Variants in MAF observed in about 807,000 individuals in gnomAD.
The protein encoded by MAF is MAF bZIP transcription factor, also known as transcription factor Maf.
A neutral mutation model predicts 22.0 loss-of-function variants in MAF; 10 were observed. The observed-to-expected ratio is 0.45, with a 90% CI of 0.28 to 0.77. MAF has a LOEUF of 0.77. Among genes scored for constraint, MAF ranks in the 30% least tolerant of loss-of-function variants. The probability of loss-of-function intolerance (pLI) is 0.12; values close to 1 mark genes in which losing one functional copy is unlikely to be tolerated. For missense variants in MAF, 544 were observed against 548.4 expected (o/e 0.99, Z 0.08); for synonymous variants, 337 against 255.8 (o/e 1.32, Z -3.03).
At chr16:79,434,136 T>C in the MAF span, among the ~76,000 whole-genome samples, 1 of 152,206 alleles carries the variant, frequency 6.6e-6, no homozygotes, top group Non-Finnish European at 1.5e-5. Flanking sequence ...CCCATGCAAC[T>C]GCACACTGGG....
the MAF span, among the ~76,000 whole-genome samples, chr16:79,289,950 G>A: frequency 6.9e-6 from 1 of 145,018 alleles, no homozygotes; most frequent in Admixed American, 7.4e-5. Context: ...TCCACCTCCT[G>A]GATTCAAGCG....
chr16:79,509,442 T>A, the MAF span, among the ~76,000 whole-genome samples: 1 of 152,218 alleles, frequency 6.6e-6, no homozygotes, highest in Admixed American at 6.5e-5. Flanking sequence ...CCAGAAGAGC[T>A]CGAATGTTTA....
chr16:79,519,254 T>G, the MAF span, among the ~76,000 whole-genome samples: 7 of 152,152 alleles, frequency 4.6e-5, no homozygotes, highest in Non-Finnish European at 8.8e-5. Context: ...AACAGCCATG[T>G]GACCACCTCA....
chr16:79,389,499 T>G, the MAF span, among the ~76,000 whole-genome samples: 1 of 152,190 alleles, frequency 6.6e-6, no homozygotes, highest in Non-Finnish European at 1.5e-5. Flanking sequence ...TGACCTCAAG[T>G]GATCCACCTG....
chr16:79,245,733 T>G, the MAF span, among the ~76,000 whole-genome samples: 1 of 152,046 alleles, frequency 6.6e-6, no homozygotes, highest in Non-Finnish European at 1.5e-5. Context: ...TTATAAATAA[T>G]TCTACTATAA....
chr16:79,382,623 T>C, the MAF span, among the ~76,000 whole-genome samples: 1,136 of 152,332 alleles, frequency 7.5e-3, 17 homozygotes, highest in African/African-American at 0.027. Flanking sequence ...AGTGGTAATA[T>C]TGTTTTTTAA....
At chr16:79,413,925 A>T in the MAF span, among the ~76,000 whole-genome samples, 3 of 152,184 alleles carry the variant, frequency 2.0e-5, no homozygotes, top group African/African-American at 7.2e-5. Context: ...GAGTGTGCTG[A>T]GATGGAAAGA....
At chr16:79,336,382 T>C in the MAF span, among the ~76,000 whole-genome samples, 1 of 151,900 alleles carries the variant, frequency 6.6e-6, no homozygotes, top group South Asian at 2.1e-4. Context: ...ACATAGCCAG[T>C]AAAGAACAGA....
chr16:79,430,392 C>T, the MAF span, among the ~76,000 whole-genome samples: 1 of 152,196 alleles, frequency 6.6e-6, no homozygotes, highest in Non-Finnish European at 1.5e-5. Flanking sequence ...GTCAACACCT[C>T]GGACGCTTTT....
At chr16:79,597,300 A>G in intron 1 of MAF, 1 of 1,041,660 alleles carries the variant, frequency 9.6e-7, no homozygotes, top group Non-Finnish European at 1.2e-6. Context: ...AAAAACTAGA[A>G]TTAAATTATA....
At chr16:79,332,415 C>T in the MAF span, among the ~76,000 whole-genome samples, 1 of 152,190 alleles carries the variant, frequency 6.6e-6, no homozygotes, top group African/African-American at 2.4e-5. Flanking sequence ...ATTCTCGTGC[C>T]TCAGCCTCCC....
chr16:79,424,857 C>T, the MAF span, among the ~76,000 whole-genome samples: 1 of 152,062 alleles, frequency 6.6e-6, no homozygotes, highest in Non-Finnish European at 1.5e-5. Flanking sequence ...TAATATGCTC[C>T]TATCCAAGTC....
the MAF span, among the ~76,000 whole-genome samples, chr16:79,276,149 A>AAAAG: frequency 4.0e-5 from 6 of 150,174 alleles, no homozygotes; most frequent in African/African-American, 1.5e-4. Context: ...CAAAGAAAAA[A>AAAAG]AAAGAAAGAA....
At chr16:79,313,974 G>T in the MAF span, among the ~76,000 whole-genome samples, 2 of 152,126 alleles carry the variant, frequency 1.3e-5, no homozygotes, top group Non-Finnish European at 2.9e-5. Context: ...AAGAATAAAG[G>T]CCAGGGAAAA....
chr16:79,598,729 G>A (rs371802323), intron 1 of MAF, 56 bp downstream of exon 1: 23 of 1,610,606 alleles, frequency 1.4e-5, no homozygotes, highest in African/African-American at 2.7e-5. Context: ...CACCCGAGCC[G>A]GACCCCCGCG....
At chr16:79,369,273 G>C in the MAF span, among the ~76,000 whole-genome samples, 1 of 152,134 alleles carries the variant, frequency 6.6e-6, no homozygotes, top group Non-Finnish European at 1.5e-5. Context: ...CTGGGAGCTG[G>C]GTTACAGGAA....
the MAF span, among the ~76,000 whole-genome samples, chr16:79,412,268 G>C: frequency 6.6e-6 from 1 of 152,138 alleles, no homozygotes; most frequent in African/African-American, 2.4e-5. Context: ...TCAGATAAAG[G>C]GCCAGTTGAC....
At chr16:79,298,448 A>G in the MAF span, among the ~76,000 whole-genome samples, 2 of 152,224 alleles carry the variant, frequency 1.3e-5, no homozygotes, top group Non-Finnish European at 2.9e-5. Context: ...CCCTTGGCCA[A>G]TCTGAGGACT....
chr16:79,295,764 C>G, the MAF span, among the ~76,000 whole-genome samples: 2 of 152,224 alleles, frequency 1.3e-5, no homozygotes, highest in African/African-American at 4.8e-5. Context: ...GTGTCAGGCA[C>G]AGTGGTAAGT....
Sources: allele counts gnomAD v4.1 joint callset (sites outside exome capture counted in the v4.1 genomes callset), GRCh38; gene constraint gnomAD v4.1.1; transcripts MANE v1.5; gene names NCBI Gene and HGNC (gene_info 2026-07-23, HGNC 2026-07-21).